WWC1: variants seen among roughly 807,000 people sequenced by gnomAD.
The protein encoded by WWC1 is WW and C2 domain containing 1.
A neutral mutation model predicts 138.4 loss-of-function variants in WWC1; 55 were observed. The observed-to-expected ratio is 0.40, with a 90% CI of 0.32 to 0.50. WWC1 has a LOEUF of 0.50. Among genes scored for constraint, WWC1 ranks in the 20% least tolerant of loss-of-function variants. The probability of loss-of-function intolerance (pLI) is 0.72; values close to 1 mark genes in which losing one functional copy is unlikely to be tolerated. For missense variants in WWC1, 1,226 were observed against 1,420.4 expected (o/e 0.86, Z 2.20); for synonymous variants, 524 against 564.9 (o/e 0.93, Z 1.03).
At chr5:168,325,451 C>T (rs1772453925) in intron 1 of WWC1, among the ~76,000 whole-genome samples, 1 of 152,254 alleles carries the variant, frequency 6.6e-6, no homozygotes, top group South Asian at 2.1e-4. Flanking sequence ...TCCTGGCATT[C>T]AGATACTGAC....
intron 1 of WWC1, among the ~76,000 whole-genome samples, chr5:168,333,725 T>C (rs11954736): frequency 0.25 from 38,429 of 151,914 alleles, 6,929 homozygotes; most frequent in African/African-American, 0.51. Context: ...ACAGCTTCCC[T>C]ATTTATCAGC....
At chr5:168,357,682 A>G (rs561104130) in intron 1 of WWC1, among the ~76,000 whole-genome samples, 1 of 152,116 alleles carries the variant, frequency 6.6e-6, no homozygotes, top group Admixed American at 6.5e-5. Context: ...AGCTGTTTTA[A>G]TTGCTTATTT....
rs749460711 is a variant in WWC1, at chr5:168,424,053, A to G, written c.1795A>G (p.Lys599Glu). The change falls in exon 11 of 23, where the codon AAG (lysine) becomes GAG (glutamate). Residue 599 changes from lysine (K) to glutamate (E), a missense_variant. This residue lies in a region of WWC1 where 1,016 missense variants were observed against 1,153.9 expected (regional missense o/e 0.88). Coordinates refer to ENST00000265293, the MANE Select transcript of WWC1 (RefSeq NM_015238.3). ...GCTGGAGGAACCAGGAACGGAGGGC[A>G]AGCAGCTGGGCCAAGGTAGAGAGCA... ...YRLEEPGTEG[K>E]QLGQAVNTAQ... is the part of the protein sequence containing the mutation. 3 of 1,601,806 alleles carry G rather than the reference A, an allele frequency of 1.9e-6. No individual in the cohort carries two copies. Among genetic ancestry groups the G allele is most frequent in the Non-Finnish European group, 2.6e-6 (3 of 1,173,962 alleles).
At chr5:168,332,697 G>GT (rs1561620164) in intron 1 of WWC1, among the ~76,000 whole-genome samples, 1 of 151,524 alleles carries the variant, frequency 6.6e-6, no homozygotes, top group Non-Finnish European at 1.5e-5. Flanking sequence ...TATGTTTTTG[G>GT]TTTTTTCTTT....
At chr5:168,366,114 T>C (rs11134506) in intron 1 of WWC1, among the ~76,000 whole-genome samples, 88,302 of 152,058 alleles carry the variant, frequency 0.58, 25,963 homozygotes, top group South Asian at 0.68. Context: ...CCACAGTTCC[T>C]GGGGGACGGG....
chr5:168,471,895 C>T lies in WWC1; in HGVS notation c.*2878C>T, dbSNP rs771540206. The T allele has an allele frequency of 2.0e-5, 3 of 152,238 alleles. No homozygotes were observed. The highest frequency in any genetic ancestry group is 4.4e-5 in the Non-Finnish European group (3 of 68,060). 9.4% of individuals were successfully genotyped at this position (152,238 alleles called of 1,614,324 possible). A position where few individuals can be genotyped will look rare whatever the true frequency, so the allele number is the denominator to read the frequency against. ...CATTGGCACAAAAGGCAGCAGCATC[C>T]TCACTGTATCTGCAGTCCATTTGGA... is the stretch of plus-strand genomic sequence containing the variant. On this transcript the variant is annotated 3_prime_UTR_variant, in exon 23 of 23. Coordinates refer to ENST00000265293, the MANE Select transcript of WWC1 (RefSeq NM_015238.3).
chr5:168,466,380 C>T (rs997580881), intron 21 of WWC1, among the ~76,000 whole-genome samples: 7 of 152,140 alleles, frequency 4.6e-5, no homozygotes, highest in East Asian at 1.9e-4. Context: ...ACTCTGTGAT[C>T]GCCACCCACG....
In WWC1 at chr5:168,430,137, G is replaced by C; in HGVS notation, c.2001G>C (p.Lys667Asn). 2 of 1,610,916 alleles carry C rather than the reference G, an allele frequency of 1.2e-6. No homozygotes were observed. Among genetic ancestry groups the C allele is most frequent in the South Asian group, 1.1e-5 (1 of 90,956 alleles). Reference sequence around the variant, plus strand: ...CTTCATATGCCCCTTTTCATTTCAGGTATGATGAGAAGAATAAGCAATTTG... The same window carrying C: ...CTTCATATGCCCCTTTTCATTTCAGCTATGATGAGAAGAATAAGCAATTTG... ...VGATRIQIALKYDEKNKQFAI... is the reference protein window; with the variant it reads ...VGATRIQIALNYDEKNKQFAI... The change falls in exon 14 of 23, where the codon AAG becomes AAC. Residue 667 changes from lysine to asparagine, a missense_variant and splice_region_variant. By Grantham distance (94) the Lys-to-Asn change is moderately conservative (BLOSUM62 0). Transcript: ENST00000265293.
chr5:168,431,600 G>A (rs1781949998), intron 15 of WWC1, among the ~76,000 whole-genome samples, 156 bp downstream of exon 15: 1 of 152,146 alleles, frequency 6.6e-6, no homozygotes, highest in South Asian at 2.1e-4. Context: ...GGCTCATCTT[G>A]GATTCTAGGC....
At chr5:168,443,913 A>G (rs1213417311) in intron 16 of WWC1, among the ~76,000 whole-genome samples, 1 of 152,224 alleles carries the variant, frequency 6.6e-6, no homozygotes. Context: ...TAGAGTCTCA[A>G]TTAATCTTCA....
chr5:168,356,452 C>A (rs540133778), intron 1 of WWC1, among the ~76,000 whole-genome samples: 17 of 152,362 alleles, frequency 1.1e-4, no homozygotes, highest in African/African-American at 4.1e-4. Context: ...AAAAAGGTGT[C>A]ATACATCGGT....
intron 20 of WWC1, among the ~76,000 whole-genome samples, 198 bp from the exon 21 acceptor site, chr5:168,464,531 C>T (rs746065436): frequency 7.2e-5 from 11 of 152,156 alleles, no homozygotes; most frequent in Non-Finnish European, 1.5e-4. Flanking sequence ...TGCTTAGTGC[C>T]GTTCCTGGGA....
intron 1 of WWC1, 116 bp from the exon 2 acceptor site, chr5:168,371,307 TA>T: frequency 1.5e-6 from 1 of 677,846 alleles, no homozygotes; most frequent in Non-Finnish European, 2.6e-6. Flanking sequence ...TGCTGTGGTG[TA>T]AAACTTTTGG....
At chr5:168,435,611 A>G (rs1336585179) in intron 15 of WWC1, among the ~76,000 whole-genome samples, 2 of 151,534 alleles carry the variant, frequency 1.3e-5, no homozygotes, top group Non-Finnish European at 2.9e-5. Context: ...GGGTCTCACT[A>G]TGTTGCCCAG....
chr5:168,413,105 C>A (rs1780350551), intron 8 of WWC1, among the ~76,000 whole-genome samples: 1 of 152,160 alleles, frequency 6.6e-6, no homozygotes. Context: ...ATTGTCTGCA[C>A]GTAAGATTGA....
At chr5:168,398,552 A>G (rs1779082026) in intron 4 of WWC1, among the ~76,000 whole-genome samples, 1 of 152,224 alleles carries the variant, frequency 6.6e-6, no homozygotes, top group Non-Finnish European at 1.5e-5. Flanking sequence ...TATTTTAATT[A>G]CTTCATGATT....
intron 1 of WWC1, among the ~76,000 whole-genome samples, chr5:168,322,794 C>G (rs1772222282): frequency 6.6e-6 from 1 of 152,170 alleles, no homozygotes; most frequent in Non-Finnish European, 1.5e-5. Flanking sequence ...TCTACCCCAC[C>G]ATTTTTTGCA....
At chr5:168,326,911 A>C (rs138866358) in intron 1 of WWC1, among the ~76,000 whole-genome samples, 350 of 152,306 alleles carry the variant, frequency 2.3e-3, no homozygotes, top group African/African-American at 6.9e-3. Flanking sequence ...TTATTCTGCA[A>C]ATCTGCATTT....
intron 8 of WWC1, among the ~76,000 whole-genome samples, chr5:168,413,280 A>G (rs1290559215): frequency 6.6e-6 from 1 of 152,214 alleles, no homozygotes; most frequent in African/African-American, 2.4e-5. Flanking sequence ...AGCTGATGGT[A>G]CTTTGCAGAG....
Sources: allele counts gnomAD v4.1 joint callset (sites outside exome capture counted in the v4.1 genomes callset), GRCh38; gene constraint gnomAD v4.1.1; regional missense constraint gnomAD v4.1.1; transcripts MANE v1.5; gene names NCBI Gene and HGNC (gene_info 2026-07-23, HGNC 2026-07-21).